The following CELF2 variants were observed in gnomAD, a reference collection of about 807,000 sequenced individuals.
The protein encoded by CELF2 is CUGBP Elav-like family member 2, also known as CUG triplet repeat RNA-binding protein 2.
Under a neutral mutation model 62.6 loss-of-function variants are expected in CELF2, and 8 were observed. The observed-to-expected ratio is 0.13, with a 90% CI of 0.07 to 0.23. The LOEUF is 0.23. Among genes scored for constraint, CELF2 ranks in the 10% least tolerant of loss-of-function variants. CELF2 has a pLI of 1.00. For synonymous variants in CELF2, 258 were observed against 250.0 expected (o/e 1.03, Z -0.30); for missense variants, 333 against 671.0 (o/e 0.50, Z 5.56).
intron 2 of CELF2, among the ~76,000 whole-genome samples, chr10:11,208,842 T>C (rs1430589135): frequency 2.0e-5 from 3 of 152,150 alleles, no homozygotes; most frequent in Non-Finnish European, 4.4e-5. Flanking sequence ...AGAAACTTTT[T>C]CTTGTGAGGC....
intron 9 of CELF2, among the ~76,000 whole-genome samples, chr10:11,288,780 C>T (rs566637442): frequency 2.4e-4 from 36 of 152,248 alleles, no homozygotes; most frequent in Non-Finnish European, 4.1e-4. Context: ...AGTGAGAATC[C>T]ACTGTGCAAG....
upstream of CELF2, chr10:10,797,030 A>C: frequency 3.7e-6 from 1 of 271,688 alleles, no homozygotes; most frequent in Non-Finnish European, 5.6e-6. Context: ...GGTTAGCTGC[A>C]TATGTTAAGA....
the CELF2 span, among the ~76,000 whole-genome samples, chr10:10,721,163 A>T: frequency 6.6e-6 from 1 of 152,254 alleles, no homozygotes; most frequent in Admixed American, 6.5e-5. Context: ...TTAATGTCAC[A>T]TGCAACTGCT....
intron 1 of CELF2, among the ~76,000 whole-genome samples, chr10:11,086,609 A>C (rs1014708884): frequency 7.2e-6 from 1 of 138,714 alleles, no homozygotes; most frequent in Non-Finnish European, 1.6e-5. Context: ...AAAAAAAAAA[A>C]ACTCCCGACA....
At chr10:11,140,822 G>C (rs2061226830) in intron 1 of CELF2, among the ~76,000 whole-genome samples, 1 of 152,100 alleles carries the variant, frequency 6.6e-6, no homozygotes, top group Admixed American at 6.5e-5. Context: ...TTCAAGACCA[G>C]CCCGGGCAAC....
At chr10:11,020,769 T>A (rs2058183122) in intron 1 of CELF2, among the ~76,000 whole-genome samples, 1 of 152,214 alleles carries the variant, frequency 6.6e-6, no homozygotes, top group Admixed American at 6.5e-5. Context: ...GCTTTTGAGA[T>A]GAATTATTAC....
At position 10,997,133 on chromosome 10, in the gene CELF2, G is replaced by A. The variant is rs896554332; in HGVS notation, c.89+77134G>A. 3.3e-5 allele frequency among the ~76,000 whole-genome samples: 5 copies of A among 152,054 alleles called. No homozygotes were observed. The highest frequency in any genetic ancestry group is 4.8e-5 in the African/African-American group (2 of 41,400). On this transcript the variant is annotated intron_variant, in intron 2 of 13. Coordinates refer to the CELF2 transcript ENST00000636488. The surrounding 1 kb of genome is among the most constrained non-coding windows in gnomAD (Gnocchi z 5.3). ...GAATAGTGATGCCCATCCCTTCCAC[G>A]TACTGCATGTGTCAGCTTGGGCCGT...
chr10:10,467,404 T>C, the CELF2 span, among the ~76,000 whole-genome samples: 1 of 152,022 alleles, frequency 6.6e-6, no homozygotes, highest in Non-Finnish European at 1.5e-5. Context: ...AGTAGGTGTG[T>C]TTGTCATTTT....
intron 2 of CELF2, among the ~76,000 whole-genome samples, chr10:11,170,319 G>C (rs1409201462): frequency 6.6e-6 from 1 of 152,158 alleles, no homozygotes; most frequent in Non-Finnish European, 1.5e-5. Context: ...CCTGCCCTCA[G>C]ACTTCTCAGT....
chr10:10,577,719 A>T, the CELF2 span, among the ~76,000 whole-genome samples: 1 of 152,040 alleles, frequency 6.6e-6, no homozygotes, highest in Admixed American at 6.6e-5. Flanking sequence ...ATAGTATTCC[A>T]TGGTGTATAT....
rs1478482166 is a variant in CELF2, at chr10:11,243,081, AC to A, written c.355-6071del. Among the ~76,000 whole-genome samples, 3 of 152,218 alleles carry A rather than the reference AC, an allele frequency of 2.0e-5. No homozygotes were observed. In the East Asian group the frequency reaches 5.8e-4, roughly 29 times the overall value. On this transcript the variant is annotated intron_variant, in intron 3 of 12. Transcript: ENST00000633077. The surrounding 1 kb of genome is among the most constrained non-coding windows in gnomAD (Gnocchi z 4.1). The stretch of plus-strand genomic sequence containing the variant: ...GAAAGCCCAAGCAGACCCCTGAAGG[AC>A]TATATCTCTGTGTGCCGAGATGCTC...
At chr10:10,744,896 A>G in the CELF2 span, among the ~76,000 whole-genome samples, 1 of 151,082 alleles carries the variant, frequency 6.6e-6, no homozygotes, top group East Asian at 1.9e-4. Context: ...CTAATTACCA[A>G]CTCTCCATTT....
At chr10:10,733,411 T>C in the CELF2 span, among the ~76,000 whole-genome samples, 6 of 151,554 alleles carry the variant, frequency 4.0e-5, no homozygotes, top group Admixed American at 1.3e-4. Flanking sequence ...ATGTGGGAAA[T>C]GGCAAGTGTG....
chr10:10,889,438 T>A (rs142485235), intron 1 of CELF2, among the ~76,000 whole-genome samples: 9 of 152,318 alleles, frequency 5.9e-5, no homozygotes, highest in Admixed American at 5.9e-4. Context: ...AAAAGAAATT[T>A]TTTTGCTGTC....
chr10:10,901,075 G>C (rs1384846370), intron 1 of CELF2, among the ~76,000 whole-genome samples: 1 of 152,174 alleles, frequency 6.6e-6, no homozygotes, highest in Admixed American at 6.5e-5. Flanking sequence ...TGGGTCAGAA[G>C]ACTCAATAGT....
chr10:11,219,092 T>C (rs1057089385), intron 3 of CELF2, among the ~76,000 whole-genome samples: 1 of 152,236 alleles, frequency 6.6e-6, no homozygotes, highest in Non-Finnish European at 1.5e-5. Flanking sequence ...CTGTTGTTAA[T>C]TTAGCATTTA....
intron 1 of CELF2, among the ~76,000 whole-genome samples, chr10:10,889,034 A>C (rs1456352984): frequency 6.6e-6 from 1 of 152,234 alleles, no homozygotes; most frequent in East Asian, 1.9e-4. Flanking sequence ...AGCCAAAGGC[A>C]CACCCCATCA....
intron 2 of CELF2, among the ~76,000 whole-genome samples, chr10:11,196,034 G>GAAA (rs5783195): frequency 2.0e-5 from 3 of 146,564 alleles, no homozygotes; most frequent in Non-Finnish European, 3.0e-5. Context: ...AGGCAGGGGA[G>GAAA]AAAAAAAAAA....
At chr10:11,112,252 G>A (rs1465841694) in intron 1 of CELF2, among the ~76,000 whole-genome samples, 1 of 152,124 alleles carries the variant, frequency 6.6e-6, no homozygotes, top group Non-Finnish European at 1.5e-5. Context: ...CTCCACCTTG[G>A]GAATAATGAG....
Sources: gnomAD v4.1 joint callset for allele counts (sites outside exome capture counted in the v4.1 genomes callset) on GRCh38, gnomAD v4.1.1 for gene constraint, Gnocchi (gnomAD v3.1) non-coding constraint, MANE v1.5 for transcripts, NCBI Gene and HGNC (gene_info 2026-07-23, HGNC 2026-07-21) for gene names.